Variants in HTR1F observed in about 807,000 individuals in gnomAD.
HTR1F encodes the protein 5-hydroxytryptamine (serotonin) receptor 1F, G protein-coupled.
In HTR1F, 17 loss-of-function variants were observed where a neutral mutation model predicts 24.0. The observed-to-expected ratio is 0.71, with a 90% confidence interval of 0.48 to 1.06. HTR1F has a LOEUF of 1.06. HTR1F is among the 50% of genes least tolerant of loss of function. The pLI is 0.00. For missense variants in HTR1F, 391 were observed against 427.8 expected (o/e 0.91, Z 0.76); for synonymous variants, 186 against 156.8 (o/e 1.19, Z -1.39).
intron 2 of HTR1F, among the ~76,000 whole-genome samples, chr3:87,843,286 T>C (rs1704849047): frequency 6.6e-6 from 1 of 151,970 alleles, no homozygotes; most frequent in African/African-American, 2.4e-5. Flanking sequence ...AAGACAACAT[T>C]GATATGCTTT....
intron 2 of HTR1F, among the ~76,000 whole-genome samples, chr3:87,919,494 C>T (rs1351841867): frequency 6.6e-6 from 1 of 151,862 alleles, no homozygotes; most frequent in Non-Finnish European, 1.5e-5. Flanking sequence ...GGCTAACATC[C>T]AGAATCTACA....
At chr3:87,894,377 C>T (rs1706153153) in intron 2 of HTR1F, among the ~76,000 whole-genome samples, 1 of 151,774 alleles carries the variant, frequency 6.6e-6, no homozygotes, top group South Asian at 2.1e-4. Context: ...AAGCCTCAGC[C>T]TCCCGAGTAG....
intron 2 of HTR1F, among the ~76,000 whole-genome samples, chr3:87,850,616 A>C: frequency 6.6e-6 from 1 of 151,950 alleles, no homozygotes; most frequent in East Asian, 1.9e-4. Context: ...TAATAAAAAA[A>C]GTGAGAAAGT....
chr3:87,991,909 A>C lies in HTR1F; in HGVS notation c.*59A>C. Reference sequence around the variant, plus strand: ...TTTTGAGGGGAGGAATAACTAGATGAATGCCAAATAATAAAACACTTAAGC... The same window carrying C: ...TTTTGAGGGGAGGAATAACTAGATGCATGCCAAATAATAAAACACTTAAGC... On this transcript the variant is annotated 3_prime_UTR_variant, in exon 3 of 3. Transcript: ENST00000319595. 1 of 1,376,978 alleles carries C rather than the reference A, an allele frequency of 7.3e-7. No homozygotes were observed. 85.3% of individuals were successfully genotyped at this position (1,376,978 alleles called of 1,614,324 possible). A position where few individuals can be genotyped will look rare whatever the true frequency, so the allele number is the denominator to read the frequency against.
At chr3:87,899,665 C>A (rs1424029436) in intron 2 of HTR1F, among the ~76,000 whole-genome samples, 1 of 151,894 alleles carries the variant, frequency 6.6e-6, no homozygotes, top group Non-Finnish European at 1.5e-5. Context: ...GAGTTCGAGA[C>A]CAGACTGGCC....
intron 1 of HTR1F, among the ~76,000 whole-genome samples, chr3:87,803,871 A>C (rs1704032622): frequency 6.6e-6 from 1 of 152,174 alleles, no homozygotes; most frequent in Non-Finnish European, 1.5e-5. Flanking sequence ...GTTATCTTCA[A>C]GGGTGGACAA....
rs183155036 is a variant in HTR1F, at chr3:87,837,457, G to A, written c.-43+15333G>A. On this transcript the variant is annotated intron_variant, in intron 2 of 2. Transcript: ENST00000319595. ...GAGCATCATTGTAATTATTTGAAAA[G>A]CCAACCTGAGGCAAGTTCACAATCC... Among the ~76,000 whole-genome samples the A allele has an allele frequency of 3.8e-4, 58 of 152,116 alleles. 2 individuals carry two copies. Among genetic ancestry groups the A allele is most frequent in the African/African-American group, 1.3e-3 (55 of 41,510 alleles).
chr3:87,916,309 GAAAAAAAA>G (rs34801984), intron 2 of HTR1F, among the ~76,000 whole-genome samples: 1 of 111,066 alleles, frequency 9.0e-6, no homozygotes. Flanking sequence ...AAGCAAAAAA[GAAAAAAAA>G]AAAAAAAAAA....
chr3:87,906,076 T>G (rs1286271819), intron 2 of HTR1F, among the ~76,000 whole-genome samples: 1 of 152,076 alleles, frequency 6.6e-6, no homozygotes, highest in Admixed American at 6.6e-5. Context: ...TGTGCATTAT[T>G]TTACAGTAAA....
chr3:87,866,845 TGC>T (rs71774966), intron 2 of HTR1F, among the ~76,000 whole-genome samples: 14,762 of 128,596 alleles, frequency 0.11, 1,537 homozygotes, highest in African/African-American at 0.39. Context: ...TGTGTGTGTG[TGC>T]GTGTGTGTGT....
chr3:87,808,464 CT>C (rs965859391), intron 1 of HTR1F, among the ~76,000 whole-genome samples: 12 of 149,738 alleles, frequency 8.0e-5, no homozygotes, highest in Non-Finnish European at 1.8e-4. Flanking sequence ...GTTGTAATGT[CT>C]TTTTTTTTCA....
At position 87,875,142 on chromosome 3, in the gene HTR1F, A is replaced by T. The variant is rs1219710903; in HGVS notation, c.-43+53018A>T. The stretch of plus-strand genomic sequence containing the variant: ...AGCAAAAATAGAACAATGGAACCAC[A>T]TCAAACTTAAAAACTTCTACACAGT... On this transcript the variant is annotated intron_variant, in intron 2 of 2. Coordinates refer to ENST00000319595, the MANE Select transcript of HTR1F (RefSeq NM_001322209.2). 3.3e-5 allele frequency among the ~76,000 whole-genome samples: 5 copies of T among 152,260 alleles called. No homozygotes were observed. The East Asian group carries it at 9.7e-4, about 29-fold the overall frequency.
intron 2 of HTR1F, among the ~76,000 whole-genome samples, chr3:87,989,856 G>A (rs1705779608): frequency 6.6e-6 from 1 of 152,146 alleles, no homozygotes; most frequent in African/African-American, 2.4e-5. Flanking sequence ...CCAGTTACAG[G>A]GAGAAGGCCT....
intron 2 of HTR1F, among the ~76,000 whole-genome samples, chr3:87,888,998 CT>C (rs1012898618): frequency 6.6e-6 from 1 of 152,130 alleles, no homozygotes; most frequent in Non-Finnish European, 1.5e-5. Flanking sequence ...GGGGAATATC[CT>C]TCACGAATAG....
chr3:87,846,996 C>T (rs538023318), intron 2 of HTR1F, among the ~76,000 whole-genome samples: 1 of 151,366 alleles, frequency 6.6e-6, no homozygotes, highest in Non-Finnish European at 1.5e-5. Context: ...TATATTATTG[C>T]TATTTTTAAG....
intron 2 of HTR1F, among the ~76,000 whole-genome samples, chr3:87,908,780 G>A (rs1328221470): frequency 6.6e-6 from 1 of 151,972 alleles, no homozygotes; most frequent in African/African-American, 2.4e-5. Context: ...GTGCTCATCT[G>A]TTTCTTAAAG....
At chr3:87,852,588 ATT>A (rs1449557979) in intron 2 of HTR1F, among the ~76,000 whole-genome samples, 1 of 151,510 alleles carries the variant, frequency 6.6e-6, no homozygotes, top group Non-Finnish European at 1.5e-5. Flanking sequence ...GATTTTTTAA[ATT>A]TATTATTATT....
chr3:87,903,888 A>C (rs530407418), intron 2 of HTR1F, among the ~76,000 whole-genome samples: 1 of 152,234 alleles, frequency 6.6e-6, no homozygotes, highest in African/African-American at 2.4e-5. Flanking sequence ...ATGTCCAGCA[A>C]TGATACACAG....
chr3:87,919,409 A>G (rs1703963714), intron 2 of HTR1F, among the ~76,000 whole-genome samples: 1 of 152,160 alleles, frequency 6.6e-6, no homozygotes, highest in Non-Finnish European at 1.5e-5. Flanking sequence ...TGCACGGCAA[A>G]AGGAATAGTC....
Sources: gnomAD v4.1 joint callset for allele counts (sites outside exome capture counted in the v4.1 genomes callset) on GRCh38, gnomAD v4.1.1 for gene constraint, MANE v1.5 for transcripts, NCBI Gene and HGNC (gene_info 2026-07-23, HGNC 2026-07-21) for gene names.